The following LRTM1 variants were observed in gnomAD, a reference collection of about 807,000 sequenced individuals.
LRTM1 encodes the protein leucine rich repeat transmembrane protein 1.
Under a neutral mutation model 32.4 loss-of-function variants are expected in LRTM1, and 38 were observed. That is an observed-to-expected ratio of 1.17 (90% CI 0.91 to 1.54). The LOEUF is 1.54. Among genes scored for constraint, LRTM1 ranks in the 40% most tolerant of loss-of-function variants. LRTM1 has a pLI of 0.00. For missense variants in LRTM1, 466 were observed against 415.4 expected (o/e 1.12, Z -1.06); for synonymous variants, 186 against 169.9 (o/e 1.09, Z -0.74).
upstream of LRTM1, among the ~76,000 whole-genome samples, chr3:54,929,246 A>G (rs1174783146): frequency 2.0e-5 from 3 of 152,154 alleles, no homozygotes; most frequent in Admixed American, 6.5e-5. Context: ...GGCTGTGCCC[A>G]GGATTAAATA....
chr3:54,925,476 G>A (rs568496045), intron 1 of LRTM1, among the ~76,000 whole-genome samples: 14 of 152,214 alleles, frequency 9.2e-5, no homozygotes, highest in South Asian at 6.2e-4. Flanking sequence ...CTTCTGATTC[G>A]GAAGATGGAA....
upstream of LRTM1, among the ~76,000 whole-genome samples, chr3:54,931,712 G>A (rs1701195705): frequency 6.6e-6 from 1 of 152,158 alleles, no homozygotes. Context: ...CCAAGCTTCT[G>A]AGACATATTC....
intron 1 of LRTM1, among the ~76,000 whole-genome samples, chr3:54,944,750 T>C (rs1436129538): frequency 1.3e-5 from 2 of 152,212 alleles, no homozygotes; most frequent in Non-Finnish European, 2.9e-5. Flanking sequence ...AGCAGCCTTT[T>C]CTTGTTTCAA....
chr3:54,932,646 AT>A (rs1701218505), upstream of LRTM1, among the ~76,000 whole-genome samples: 1 of 152,306 alleles, frequency 6.6e-6, no homozygotes, highest in African/African-American at 2.4e-5. Context: ...CACAGGTAAC[AT>A]CTGTCTTTCT....
At chr3:54,930,968 C>G (rs1701173659), upstream of LRTM1, among the ~76,000 whole-genome samples, 1 of 152,012 alleles carries the variant, frequency 6.6e-6, no homozygotes, top group African/African-American at 2.4e-5. Flanking sequence ...TGATGGTGGC[C>G]TTCTGTAATC....
intron 1 of LRTM1, among the ~76,000 whole-genome samples, chr3:54,946,505 G>A (rs1348734216): frequency 3.3e-5 from 5 of 152,154 alleles, no homozygotes; most frequent in Admixed American, 6.5e-5. Flanking sequence ...TGTGAGGGCC[G>A]TTAGCAGCAG....
intron 1 of LRTM1, among the ~76,000 whole-genome samples, chr3:54,958,495 G>C (rs1386997988): frequency 6.6e-6 from 1 of 152,222 alleles, no homozygotes; most frequent in African/African-American, 2.4e-5. Flanking sequence ...GAAAGAGGAA[G>C]CCAGGGTGGA....
At chr3:54,944,910 C>T (rs1701574780) in intron 1 of LRTM1, among the ~76,000 whole-genome samples, 1 of 151,970 alleles carries the variant, frequency 6.6e-6, no homozygotes, top group Non-Finnish European at 1.5e-5. Context: ...AAGGTGAAGG[C>T]TCTCCCCAAA....
chr3:54,926,755 G>A (rs1259071935), intron 1 of LRTM1, among the ~76,000 whole-genome samples: 1 of 152,116 alleles, frequency 6.6e-6, no homozygotes, highest in African/African-American at 2.4e-5. Context: ...ACTCTTATGA[G>A]GGGTAGTTGA....
At position 54,925,208 on chromosome 3, in the gene LRTM1, C is replaced by T. The variant is rs778875016; in HGVS notation, c.15G>A (p.Leu5=). Residue 5 remains leucine (L), a synonymous_variant, in exon 2 of 3, where the codon CTG becomes CTA. Transcript: ENST00000273286. ...GGACAATCACACTGGAAAACAGGAGCAGTTCACCTACAACAAACAGAAAGA... is the reference window on the plus strand; with the variant it reads ...GGACAATCACACTGGAAAACAGGAGTAGTTCACCTACAACAAACAGAAAGA... MKGE[L]LLFSSVIVLL... is the part of the protein sequence containing the mutation. The T allele has an allele frequency of 6.2e-7, 1 of 1,610,604 alleles. No individual in the cohort carries two copies. The highest frequency in any genetic ancestry group is 1.1e-5 in the South Asian group (1 of 90,950).
chr3:54,924,854 C>T lies in LRTM1; in HGVS notation c.369G>A (p.Gln123=), dbSNP rs766117773. 9.3e-6 allele frequency: 15 copies of T among 1,613,860 alleles called. No homozygotes were observed. In the Middle Eastern group the frequency reaches 5.0e-4, roughly 53 times the overall value. ...LESRLFHSLP[Q]LRELDLSSNN... ...TTGATGACAAATCAAGCTCCCTCAG[C>T]TGAGGGAGGGAATGGAAAAGTCTGC... The change falls in exon 2 of 3, where the codon CAG becomes CAA. Residue 123 remains glutamine, a synonymous_variant. Transcript: ENST00000273286.
At chr3:54,928,695 C>A (rs1445205836), upstream of LRTM1, among the ~76,000 whole-genome samples, 3 of 151,970 alleles carry the variant, frequency 2.0e-5, no homozygotes, top group African/African-American at 7.3e-5. Context: ...TTGCTTGCTG[C>A]CCCCACACCC....
chr3:54,920,260 A>G (rs1108634), intron 2 of LRTM1, among the ~76,000 whole-genome samples: 17,165 of 152,280 alleles, frequency 0.11, 982 homozygotes, highest in Middle Eastern at 0.15. Flanking sequence ...TAAGCTTACT[A>G]CAAGATAAGT....
At chr3:54,950,239 T>C (rs527516668) in intron 1 of LRTM1, among the ~76,000 whole-genome samples, 5 of 152,362 alleles carry the variant, frequency 3.3e-5, no homozygotes, top group African/African-American at 9.6e-5. Context: ...CAATGTTTTG[T>C]CAAATTTCTT....
At chr3:54,960,298 A>T (rs1702000669) in intron 1 of LRTM1, among the ~76,000 whole-genome samples, 1 of 152,086 alleles carries the variant, frequency 6.6e-6, no homozygotes, top group Admixed American at 6.5e-5. Flanking sequence ...GACATATATC[A>T]TGGAGTGCTT....
At chr3:54,945,812 C>T (rs1229792603) in intron 1 of LRTM1, among the ~76,000 whole-genome samples, 1 of 152,156 alleles carries the variant, frequency 6.6e-6, no homozygotes, top group African/African-American at 2.4e-5. Flanking sequence ...GCAGGGTTTG[C>T]AGCATGCAGA....
chr3:54,937,361 T>C (rs1475773079), intron 1 of LRTM1, among the ~76,000 whole-genome samples: 4 of 152,292 alleles, frequency 2.6e-5, no homozygotes, highest in Non-Finnish European at 5.9e-5. Flanking sequence ...GCAAATACAG[T>C]TGTCCCTCGG....
At chr3:54,948,617 C>T (rs1007810275) in intron 1 of LRTM1, among the ~76,000 whole-genome samples, 1 of 152,208 alleles carries the variant, frequency 6.6e-6, no homozygotes, top group African/African-American at 2.4e-5. Flanking sequence ...GATGAGACTC[C>T]TTGGAAGGAA....
At chr3:54,941,531 G>A (rs114432956) in intron 1 of LRTM1, among the ~76,000 whole-genome samples, 1,570 of 152,256 alleles carry the variant, frequency 0.01, 35 homozygotes, top group African/African-American at 0.036. Flanking sequence ...GATTATGTGG[G>A]TGAGCAGTAA....
Sources: allele counts gnomAD v4.1 joint callset (sites outside exome capture counted in the v4.1 genomes callset), GRCh38; gene constraint gnomAD v4.1.1; transcripts MANE v1.5; gene names NCBI Gene and HGNC (gene_info 2026-07-23, HGNC 2026-07-21).